Variants in TNFSF11 observed in about 807,000 individuals in gnomAD.
TNFSF11 encodes the protein tumor necrosis factor ligand superfamily member 11.
TNFSF11 carries 12 observed loss-of-function variants against 32.2 expected under a neutral mutation model. The ratio of observed to expected loss-of-function variants is 0.37; its 90% CI spans 0.24 to 0.60. The LOEUF (loss-of-function observed/expected upper bound fraction) is 0.60. Among genes scored for constraint, TNFSF11 ranks in the 20% least tolerant of loss-of-function variants. The pLI is 0.66. For synonymous variants in TNFSF11, 172 were observed against 152.1 expected (o/e 1.13, Z -0.96); for missense variants, 345 against 398.0 (o/e 0.87, Z 1.13).
At chr13:42,567,686 C>A (rs1393821777) in intron 2 of TNFSF11, among the ~76,000 whole-genome samples, 1 of 152,182 alleles carries the variant, frequency 6.6e-6, no homozygotes, top group Non-Finnish European at 1.5e-5. Flanking sequence ...TGTTTAGACA[C>A]AACAGCTGAC....
rs74058996 is a variant in TNFSF11 at position 42,589,626 on chromosome 13, G to A, written c.387+8333G>A. Among the ~76,000 whole-genome samples the A allele has an allele frequency of 2.5e-3, 388 of 152,206 alleles. 2 individuals are homozygous for A. The highest frequency in any genetic ancestry group is 8.7e-3 in the African/African-American group (363 of 41,536). On this transcript the variant is annotated intron_variant, in intron 2 of 4. Transcript: ENST00000398795. ...GTTACCTTGAATGCTCCATGTCATC[G>A]CCTCCATCGCAACTTGTACTCCACG... is the stretch of plus-strand genomic sequence containing the variant.
Position 42,581,264 on chromosome 13 carries a change from A to C in TNFSF11, c.358A>C (p.Lys120Gln), listed in dbSNP as rs199901344. Residue 120 changes from lysine (K) to glutamine (Q), a missense_variant, in exon 2 of 5, where the codon AAA becomes CAA. This residue lies in a region of TNFSF11 where 197 missense variants were observed against 182.0 expected (regional missense o/e 1.08). Transcript: ENST00000398795. ...KLIPDSCRRI[K>Q]QAFQGAVQKE... ...AATACCTGATTCATGTAGGAGAATT[A>C]AACAGGCCTTTCAAGGAGCTGTGCA... is the stretch of plus-strand genomic sequence containing the variant. 8 of 1,614,014 alleles carry C rather than the reference A, an allele frequency of 5.0e-6. No individual in the cohort carries two copies. In the East Asian group the frequency reaches 1.8e-4, roughly 36 times the overall value.
chr13:42,574,302 C>A lies in TNFSF11; in HGVS notation c.-2C>A. ...AGCTCCGAAGCGAGAGGGCCGAGCG[C>A]CATGCGCCGCGCCAGCAGAGACTAC... On this transcript the variant is annotated 5_prime_UTR_variant, in exon 1 of 5. Transcript: ENST00000398795. 6.5e-7 allele frequency: 1 copy of A among 1,545,572 alleles called. No homozygotes were observed. Among genetic ancestry groups the A allele is most frequent in the Non-Finnish European group, 8.7e-7 (1 of 1,145,674 alleles).
intron 2 of TNFSF11, among the ~76,000 whole-genome samples, chr13:42,599,338 T>TATCTATCTATC (rs748438288): frequency 4.7e-5 from 5 of 105,984 alleles, no homozygotes; most frequent in African/African-American, 1.8e-4. Context: ...TCTATCTATC[T>TATCTATCTATC]ATCTATCTAT....
At chr13:42,583,444 G>GA (rs71202227) in intron 2 of TNFSF11, among the ~76,000 whole-genome samples, 1 of 95,604 alleles carries the variant, frequency 1.0e-5, no homozygotes, top group South Asian at 3.9e-4. Flanking sequence ...AAAAAGAAAG[G>GA]AAGAAAGGAA....
chr13:42,606,776 A>G lies in TNFSF11; in HGVS notation c.812A>G (p.His271Arg), dbSNP rs768617032. Residue 271 changes from histidine (H) to arginine (R), a missense_variant, in exon 5 of 5, where the codon CAT (histidine) becomes CGT (arginine). This residue lies in a region of TNFSF11 where 148 missense variants were observed against 216.0 expected (regional missense o/e 0.69). Transcript: ENST00000398795. ...TKYWSGNSEF[H>R]FYSINVGGFF... ...TATTGGTCAGGGAATTCTGAATTCC[A>G]TTTTTATTCCATAAACGTTGGTGGA... 1.2e-6 allele frequency: 2 copies of G among 1,613,956 alleles called. No individual in the cohort carries two copies. The highest frequency in any genetic ancestry group is 1.7e-6 in the Non-Finnish European group (2 of 1,179,872).
chr13:42,592,058 A>G (rs923547184), intron 2 of TNFSF11, among the ~76,000 whole-genome samples: 7 of 152,132 alleles, frequency 4.6e-5, no homozygotes, highest in Non-Finnish European at 8.8e-5. Flanking sequence ...CTAAGTGAAA[A>G]ACTAATGTTT....
intron 4 of TNFSF11, among the ~76,000 whole-genome samples, chr13:42,605,326 ACTG>A (rs1245010408): frequency 6.6e-6 from 1 of 152,142 alleles, no homozygotes; most frequent in Non-Finnish European, 1.5e-5. Flanking sequence ...CTGATTTCAA[ACTG>A]CTGACCACCT....
At position 42,599,325 on chromosome 13, in the gene TNFSF11, CT is replaced by C. The variant is rs1291153536; in HGVS notation, c.388-1426del. 9.1e-4 allele frequency among the ~76,000 whole-genome samples: 129 copies of C among 141,528 alleles called. 1 individual carries two copies. The highest frequency in any genetic ancestry group is 1.5e-3 in the Non-Finnish European group (98 of 64,256). 92.8% of individuals were successfully genotyped at this position (141,528 alleles called of 152,430 possible). ...TGCCTCTATCTATCTATCTATCTAT[CT>C]ATCTATCTATCTATCTATCTATCAT... On this transcript the variant is annotated intron_variant, in intron 2 of 4. Coordinates refer to ENST00000398795, the MANE Select transcript of TNFSF11 (RefSeq NM_003701.4).
At chr13:42,582,903 T>C (rs1873685943) in intron 2 of TNFSF11, among the ~76,000 whole-genome samples, 1 of 152,226 alleles carries the variant, frequency 6.6e-6, no homozygotes, top group South Asian at 2.1e-4. Context: ...GGCAATCTGC[T>C]AGTTCAAAAT....
intron 2 of TNFSF11, among the ~76,000 whole-genome samples, chr13:42,597,153 A>T (rs1029934766): frequency 8.8e-6 from 1 of 114,000 alleles, no homozygotes; most frequent in Admixed American, 1.0e-4. Flanking sequence ...GATATTGGGA[A>T]TACTTTCTTT....
At chr13:42,568,454 A>G (rs1872945146) in intron 2 of TNFSF11, among the ~76,000 whole-genome samples, 1 of 152,256 alleles carries the variant, frequency 6.6e-6, no homozygotes, top group Non-Finnish European at 1.5e-5. Flanking sequence ...GAAGACTGCC[A>G]ACATAAAATT....
intron 2 of TNFSF11, among the ~76,000 whole-genome samples, chr13:42,591,627 G>T (rs1193507630): frequency 1.3e-5 from 2 of 152,162 alleles, no homozygotes; most frequent in African/African-American, 4.8e-5. Flanking sequence ...GGAACCAGGG[G>T]TCACCAGCTC....
At chr13:42,563,776 G>A (rs1872769991) in intron 1 of TNFSF11, among the ~76,000 whole-genome samples, 1 of 152,060 alleles carries the variant, frequency 6.6e-6, no homozygotes, top group Admixed American at 6.6e-5. Flanking sequence ...TTGTCTTTGG[G>A]TTTCAGCAGT....
chr13:42,580,849 A>G (rs1052747757), intron 1 of TNFSF11, among the ~76,000 whole-genome samples: 1 of 152,098 alleles, frequency 6.6e-6, no homozygotes, highest in African/African-American at 2.4e-5. Flanking sequence ...AAGTTTGACA[A>G]TTTCCCCCAT....
chr13:42,566,569 A>G (rs1195401835), intron 1 of TNFSF11: 1 of 152,366 alleles, frequency 6.6e-6, no homozygotes, highest in Non-Finnish European at 1.5e-5. Flanking sequence ...AATTGAAGGG[A>G]AAAAAGGATT....
chr13:42,595,381 T>C (rs760521468), intron 2 of TNFSF11, among the ~76,000 whole-genome samples: 17 of 152,256 alleles, frequency 1.1e-4, no homozygotes, highest in Non-Finnish European at 2.5e-4. Context: ...TAAATGAGTT[T>C]ATTCATTCAT....
At chr13:42,595,073 AAATATC>A (rs1868726074) in intron 2 of TNFSF11, among the ~76,000 whole-genome samples, 1 of 152,242 alleles carries the variant, frequency 6.6e-6, no homozygotes, top group South Asian at 2.1e-4. Context: ...AAATATTGTG[AAATATC>A]CTCATCTCTA....
intron 2 of TNFSF11, among the ~76,000 whole-genome samples, chr13:42,598,521 G>A (rs182878196): frequency 1.7e-4 from 26 of 152,284 alleles, no homozygotes; most frequent in African/African-American, 6.3e-4. Flanking sequence ...CAAGAACTGG[G>A]AAATAAGAAA....
Sources: gnomAD v4.1 joint callset for allele counts (sites outside exome capture counted in the v4.1 genomes callset) on GRCh38, gnomAD v4.1.1 for gene constraint, gnomAD v4.1.1 regional missense constraint, MANE v1.5 for transcripts, NCBI Gene and HGNC (gene_info 2026-07-23, HGNC 2026-07-21) for gene names.